Variants in MRPL48 observed in about 807,000 individuals in gnomAD.
The protein encoded by MRPL48 is mitochondrial ribosomal protein L48.
A neutral mutation model predicts 32.9 loss-of-function variants in MRPL48; 16 were observed. That is an observed-to-expected ratio of 0.49 (90% CI 0.33 to 0.74). The LOEUF (loss-of-function observed/expected upper bound fraction) is 0.74, where lower values mean the gene tolerates loss of function less well. Ranked by LOEUF, MRPL48 falls within the 30% of genes least tolerant of loss-of-function variation. The pLI is 0.02. For synonymous variants in MRPL48, 94 were observed against 89.2 expected (o/e 1.05, Z -0.31); for missense variants, 206 against 245.3 (o/e 0.84, Z 1.07).
intron 2 of MRPL48, among the ~76,000 whole-genome samples, chr11:73,807,839 A>G (rs915920708): frequency 2.6e-5 from 4 of 152,058 alleles, no homozygotes; most frequent in Non-Finnish European, 4.4e-5. Flanking sequence ...GGGTTTCGCC[A>G]TATTGGGCAG....
chr11:73,863,110 C>T, intron 6 of MRPL48, 62 bp from the exon 7 acceptor site: 1 of 1,418,310 alleles, frequency 7.1e-7, no homozygotes, highest in Non-Finnish European at 9.7e-7. Context: ...CATACCATGT[C>T]TGCCCAGTTA....
At chr11:73,850,853 T>G in intron 5 of MRPL48, 1 of 232,752 alleles carries the variant, frequency 4.3e-6, no homozygotes, top group Non-Finnish European at 8.5e-6. Flanking sequence ...ATTTTTTGTA[T>G]TTTTGGTAGA....
chr11:73,860,081 C>G, intron 6 of MRPL48, 72 bp downstream of exon 6: 1 of 1,243,110 alleles, frequency 8.0e-7, no homozygotes, highest in South Asian at 1.4e-5. Flanking sequence ...TTTTCACTTT[C>G]TATTATGCTC....
In MRPL48 at chr11:73,805,191, A is replaced by T. The variant is rs189916812; in HGVS notation, c.74+112A>T. ...TTGCATGTCTATAAGCACATCATGCATCTCCCCTGCCACCTTGCTCCTTCC... is the reference window on the plus strand; with the variant it reads ...TTGCATGTCTATAAGCACATCATGCTTCTCCCCTGCCACCTTGCTCCTTCC... On this transcript the variant is annotated intron_variant, in intron 2 of 7. Coordinates refer to ENST00000310614, the MANE Select transcript of MRPL48 (RefSeq NM_016055.6). 7.1e-5 allele frequency: 60 copies of T among 848,456 alleles called. No homozygotes were observed. The African/African-American group carries it at 7.7e-4, about 11-fold the overall frequency. 52.6% of individuals were successfully genotyped at this position (848,456 alleles called of 1,614,324 possible). A position where few individuals can be genotyped will look rare whatever the true frequency, so the allele number is the denominator to read the frequency against.
chr11:73,791,520 G>T (rs765275306), intron 1 of MRPL48, among the ~76,000 whole-genome samples: 2 of 151,870 alleles, frequency 1.3e-5, no homozygotes, highest in African/African-American at 4.8e-5. Flanking sequence ...GGGCTCAAGC[G>T]ATCCTCTCGC....
chr11:73,850,343 A>C (rs1232718017), intron 5 of MRPL48: 1 of 153,090 alleles, frequency 6.5e-6, no homozygotes, highest in East Asian at 1.9e-4. Flanking sequence ...TGAAATCAAC[A>C]AAAGGTCTTG....
chr11:73,797,585 CAG>C (rs1441925900), intron 1 of MRPL48, among the ~76,000 whole-genome samples: 1 of 152,242 alleles, frequency 6.6e-6, no homozygotes, highest in East Asian at 1.9e-4. Flanking sequence ...TCCGGCCTCG[CAG>C]AGAGCCAGTG....
chr11:73,796,879 A>G (rs1159355588), intron 1 of MRPL48, among the ~76,000 whole-genome samples: 1 of 152,216 alleles, frequency 6.6e-6, no homozygotes, highest in Non-Finnish European at 1.5e-5. Flanking sequence ...AACCTGGCCA[A>G]CATGGTGAGA....
chr11:73,860,076 A>G, intron 6 of MRPL48, 67 bp downstream of exon 6: 1 of 1,313,880 alleles, frequency 7.6e-7, no homozygotes, highest in East Asian at 2.5e-5. Context: ...CCACTTTTTC[A>G]CTTTCTATTA....
At chr11:73,816,245 T>G (rs1947668710) in intron 3 of MRPL48, among the ~76,000 whole-genome samples, 1 of 149,948 alleles carries the variant, frequency 6.7e-6, no homozygotes. Context: ...GTATTTTTAG[T>G]AGAGACGGGG....
intron 1 of MRPL48, chr11:73,789,240 G>A (rs1947104088): frequency 6.6e-6 from 1 of 152,166 alleles, no homozygotes; most frequent in African/African-American, 2.4e-5. Flanking sequence ...TCCTTGATTT[G>A]CCTTGGTTCC....
intron 3 of MRPL48, among the ~76,000 whole-genome samples, chr11:73,825,284 ATGTGTG>A (rs66515925): frequency 0.016 from 2,173 of 139,896 alleles, 28 homozygotes; most frequent in Non-Finnish European, 0.023. Context: ...TTTTTTATAT[ATGTGTG>A]TGTGTGTGTG....
intron 3 of MRPL48, chr11:73,822,886 T>C: frequency 2.7e-6 from 1 of 376,890 alleles, no homozygotes; most frequent in South Asian, 2.0e-5. Context: ...AGATCAGCTG[T>C]GGCGTTAGAT....
intron 3 of MRPL48, among the ~76,000 whole-genome samples, chr11:73,821,983 G>A (rs1237561824): frequency 1.3e-5 from 2 of 152,214 alleles, no homozygotes; most frequent in East Asian, 1.9e-4. Flanking sequence ...TAAAATCTTC[G>A]ATGAGGTTGG....
At chr11:73,794,547 C>A (rs1156898877) in intron 1 of MRPL48, among the ~76,000 whole-genome samples, 1 of 146,124 alleles carries the variant, frequency 6.8e-6, no homozygotes, top group Non-Finnish European at 1.5e-5. Context: ...AAGAGTGAAA[C>A]TCCATCTCTG....
intron 5 of MRPL48, among the ~76,000 whole-genome samples, chr11:73,846,617 C>T (rs920143904): frequency 1.3e-5 from 2 of 152,058 alleles, no homozygotes; most frequent in African/African-American, 4.8e-5. Flanking sequence ...CCTCAGCCTC[C>T]CAAAGTGCTG....
intron 1 of MRPL48, among the ~76,000 whole-genome samples, chr11:73,790,411 G>A (rs1410755895): frequency 2.3e-5 from 2 of 87,662 alleles, no homozygotes; most frequent in South Asian, 4.8e-4. Context: ...TTGAGACAGC[G>A]TTTCGCTTTG....
At chr11:73,837,415 T>C (rs1948123061) in intron 4 of MRPL48, among the ~76,000 whole-genome samples, 1 of 151,362 alleles carries the variant, frequency 6.6e-6, no homozygotes, top group Non-Finnish European at 1.5e-5. Flanking sequence ...AGAGATTAAA[T>C]TATCTCTAAG....
intron 1 of MRPL48, among the ~76,000 whole-genome samples, chr11:73,798,994 C>CAA (rs113432463): frequency 0.35 from 45,249 of 128,100 alleles, 8,706 homozygotes; most frequent in African/African-American, 0.57. Flanking sequence ...CCCTCTCAAG[C>CAA]AAAAAAAAAA....
Sources: gnomAD v4.1 joint callset for allele counts (sites outside exome capture counted in the v4.1 genomes callset) on GRCh38, gnomAD v4.1.1 for gene constraint, MANE v1.5 for transcripts, NCBI Gene and HGNC (gene_info 2026-07-23, HGNC 2026-07-21) for gene names.